Variants in SOX5 observed in about 807,000 individuals in gnomAD.
SOX5 encodes the protein SRY-box transcription factor 5.
In SOX5, 9 loss-of-function variants were observed where a neutral mutation model predicts 92.0. The ratio of observed to expected loss-of-function variants is 0.10; its 90% CI spans 0.06 to 0.17. The LOEUF (loss-of-function observed/expected upper bound fraction) is 0.17, where lower values mean the gene tolerates loss of function less well. Ranked by LOEUF, SOX5 falls within the 10% of genes least tolerant of loss-of-function variation. SOX5 has a pLI of 1.00. For synonymous variants in SOX5, 344 were observed against 336.3 expected (o/e 1.02, Z -0.25); for missense variants, 642 against 944.5 (o/e 0.68, Z 4.20).
chr12:23,796,287 T>C (rs188901002), intron 3 of SOX5, among the ~76,000 whole-genome samples: 4 of 152,100 alleles, frequency 2.6e-5, no homozygotes, highest in African/African-American at 9.6e-5. Context: ...AATAAGATGG[T>C]GATGGTCAAT....
At chr12:24,282,843 C>G (rs1341072358) in intron 2 of SOX5, among the ~76,000 whole-genome samples, 2 of 152,156 alleles carry the variant, frequency 1.3e-5, no homozygotes, top group African/African-American at 4.8e-5. Flanking sequence ...CTAATACTTG[C>G]CATCCATTCT....
chr12:23,779,828 CACACACACACAT>C (rs1421999074), intron 3 of SOX5, among the ~76,000 whole-genome samples: 2 of 141,452 alleles, frequency 1.4e-5, no homozygotes, highest in African/African-American at 2.6e-5. Context: ...CACACACACA[CACACACACACAT>C]ATGCATACAT....
intron 8 of SOX5, among the ~76,000 whole-genome samples, chr12:23,636,673 A>C (rs947324216): frequency 6.6e-5 from 10 of 152,218 alleles, no homozygotes; most frequent in Admixed American, 5.9e-4. Context: ...TCAGAGTCCG[A>C]AGTAGACAGC....
intron 4 of SOX5, among the ~76,000 whole-genome samples, chr12:24,141,351 C>T (rs963346044): frequency 7.9e-5 from 12 of 152,142 alleles, no homozygotes; most frequent in African/African-American, 2.4e-4. Context: ...AAAATGGCTA[C>T]AGATTGTATT....
At chr12:24,276,669 A>C (rs1300727828) in intron 3 of SOX5, among the ~76,000 whole-genome samples, 1 of 152,152 alleles carries the variant, frequency 6.6e-6, no homozygotes, top group East Asian at 1.9e-4. Context: ...TGAAAAGACA[A>C]ACAGGGATTT....
At chr12:23,869,142 C>G (rs113856066) in intron 2 of SOX5, among the ~76,000 whole-genome samples, 1 of 152,214 alleles carries the variant, frequency 6.6e-6, no homozygotes, top group African/African-American at 2.4e-5. Flanking sequence ...AAATACTTAA[C>G]CTAATTCCTA....
chr12:23,953,319 A>C (rs941756257), upstream of SOX5, among the ~76,000 whole-genome samples: 1 of 152,082 alleles, frequency 6.6e-6, no homozygotes, highest in African/African-American at 2.4e-5. Context: ...ATTAAACGTT[A>C]AAATGTTTAA....
At position 23,570,924 on chromosome 12, in the gene SOX5, AAAAAAAATATATATATATATAT is replaced by A. The variant is rs1434383315; in HGVS notation, c.1342+4715_1342+4736del. ...AGACTCCAACTCAAAAAAAAAAAAA[AAAAAAAATATATATATATATAT>A]ATATATATATATATATATATATATA... On this transcript the variant is annotated intron_variant, in intron 10 of 14. Coordinates refer to ENST00000451604, the MANE Select transcript of SOX5 (RefSeq NM_006940.6). Among the ~76,000 whole-genome samples, 15 of 42,554 alleles carry A rather than the reference AAAAAAAATATATATATATATAT, an allele frequency of 3.5e-4. 1 individual carries two copies. Among genetic ancestry groups the A allele is most frequent in the East Asian group, 2.5e-3 (4 of 1,572 alleles). The allele number at this position is 42,554 out of a possible 152,430, so 27.9% of individuals were successfully genotyped here.
intron 1 of SOX5, among the ~76,000 whole-genome samples, chr12:23,923,015 G>A (rs535523267): frequency 2.6e-5 from 4 of 151,170 alleles, no homozygotes; most frequent in South Asian, 2.1e-4. Context: ...GCGCCATCTC[G>A]GCTCACTGCA....
intron 2 of SOX5, among the ~76,000 whole-genome samples, chr12:24,283,860 A>T (rs1428057081): frequency 1.3e-5 from 2 of 152,222 alleles, no homozygotes; most frequent in Non-Finnish European, 2.9e-5. Context: ...TCCTTACCCA[A>T]ATGCTCACTC....
chr12:23,651,034 A>G (rs1566711941), intron 7 of SOX5, among the ~76,000 whole-genome samples: 2 of 151,724 alleles, frequency 1.3e-5, no homozygotes, highest in African/African-American at 4.8e-5. Context: ...ATATGTGAGA[A>G]TTTTTTTTCA....
chr12:24,236,348 CATCA>C (rs1349355316), intron 3 of SOX5, among the ~76,000 whole-genome samples: 5 of 152,152 alleles, frequency 3.3e-5, no homozygotes, highest in Admixed American at 2.0e-4. Context: ...CCACTACATT[CATCA>C]ATCAGACTAC....
At chr12:23,807,813 A>G (rs2095807395) in intron 3 of SOX5, among the ~76,000 whole-genome samples, 1 of 151,868 alleles carries the variant, frequency 6.6e-6, no homozygotes, top group Admixed American at 6.6e-5. Context: ...ATGCCCGGCT[A>G]ATTTTTGTAT....
chr12:23,621,615 A>G (rs1474613298), intron 8 of SOX5, among the ~76,000 whole-genome samples: 1 of 152,170 alleles, frequency 6.6e-6, no homozygotes, highest in Non-Finnish European at 1.5e-5. Context: ...AAAGGGGGGA[A>G]GAAATATTGT....
intron 3 of SOX5, among the ~76,000 whole-genome samples, chr12:23,842,821 A>G (rs1056042302): frequency 6.6e-6 from 1 of 152,168 alleles, no homozygotes; most frequent in Non-Finnish European, 1.5e-5. Flanking sequence ...AAAAATGCAA[A>G]TATTATGTAG....
At chr12:24,065,802 C>A (rs1047417288) in intron 4 of SOX5, among the ~76,000 whole-genome samples, 1 of 152,176 alleles carries the variant, frequency 6.6e-6, no homozygotes, top group Non-Finnish European at 1.5e-5. Flanking sequence ...GGCCCTTAAT[C>A]TCCATGAAAT....
chr12:24,365,270 C>G (rs1421299677), intron 2 of SOX5, among the ~76,000 whole-genome samples: 1 of 152,088 alleles, frequency 6.6e-6, no homozygotes, highest in Non-Finnish European at 1.5e-5. Flanking sequence ...AGAGGAAAAA[C>G]TGTTATGCTC....
At chr12:23,572,778 C>T (rs560464607) in intron 10 of SOX5, among the ~76,000 whole-genome samples, 69 of 152,198 alleles carry the variant, frequency 4.5e-4, no homozygotes, top group African/African-American at 1.6e-3. Flanking sequence ...TCTTGGAGCT[C>T]ATTTAGGATG....
intron 1 of SOX5, among the ~76,000 whole-genome samples, chr12:24,479,692 G>A (rs1330933540): frequency 6.6e-6 from 1 of 151,782 alleles, no homozygotes. Context: ...GGGGGACAGA[G>A]TCTCACTCTG....
Sources: gnomAD v4.1 joint callset for allele counts (sites outside exome capture counted in the v4.1 genomes callset) on GRCh38, gnomAD v4.1.1 for gene constraint, MANE v1.5 for transcripts, NCBI Gene and HGNC (gene_info 2026-07-23, HGNC 2026-07-21) for gene names.